RFPL1: variants seen among roughly 807,000 people sequenced by gnomAD.
The protein encoded by RFPL1 is ret finger protein-like 1.
Under a neutral mutation model 9.6 loss-of-function variants are expected in RFPL1, and 6 were observed. The observed-to-expected ratio is 0.62, with a 90% CI of 0.34 to 1.23. The LOEUF is 1.23. Ranked by LOEUF, RFPL1 falls within the 50% of genes most tolerant of loss-of-function variation. The pLI is 0.03. For missense variants in RFPL1, 352 were observed against 398.4 expected, an observed-to-expected ratio of 0.88 and a Z score of 0.99; for synonymous variants, 145 against 149.4, an observed-to-expected ratio of 0.97 and a Z score of 0.22.
the RFPL1 span, among the ~76,000 whole-genome samples, chr22:29,410,467 TATATAG>T: frequency 1.1e-5 from 1 of 87,740 alleles, no homozygotes; most frequent in Non-Finnish European, 2.1e-5. Flanking sequence ...TATATATCTA[TATATAG>T]ATATATATAT....
chr22:29,423,062 A>G, the RFPL1 span: 114 of 1,104,330 alleles, frequency 1.0e-4, no homozygotes, highest in Non-Finnish European at 9.5e-5. Flanking sequence ...CCGCCATAGG[A>G]GGAAAACAGA....
At chr22:29,401,988 A>G in the RFPL1 span, among the ~76,000 whole-genome samples, 1 of 152,142 alleles carries the variant, frequency 6.6e-6, no homozygotes, top group Non-Finnish European at 1.5e-5. Flanking sequence ...TGGCACTTAG[A>G]CTTAATGTTG....
the RFPL1 span, among the ~76,000 whole-genome samples, chr22:29,401,082 C>T: frequency 6.6e-6 from 1 of 152,198 alleles, no homozygotes; most frequent in Non-Finnish European, 1.5e-5. Context: ...CCAAACCCCT[C>T]CCCTTATTAG....
the RFPL1 span, among the ~76,000 whole-genome samples, chr22:29,430,028 C>T: frequency 1.4e-5 from 2 of 139,332 alleles, no homozygotes. Context: ...GTTTCCAGCA[C>T]GTTGGATGTA....
chr22:29,426,027 AAG>A, the RFPL1 span, among the ~76,000 whole-genome samples: 2 of 151,990 alleles, frequency 1.3e-5, no homozygotes, highest in South Asian at 2.1e-4. Context: ...AACTGTGTAA[AAG>A]AAGTTATTTG....
chr22:29,419,506 T>G, the RFPL1 span, among the ~76,000 whole-genome samples: 1 of 151,914 alleles, frequency 6.6e-6, no homozygotes, highest in South Asian at 2.1e-4. Context: ...TCCCAGCACT[T>G]TAAGAGGCTG....
the RFPL1 span, among the ~76,000 whole-genome samples, chr22:29,398,157 TG>T: frequency 6.6e-6 from 1 of 152,120 alleles, no homozygotes; most frequent in African/African-American, 2.4e-5. Context: ...CATGGGGGTG[TG>T]GGAAGGCTGG....
chr22:29,441,153 T>C (rs1295754988), intron 1 of RFPL1: 1 of 243,866 alleles, frequency 4.1e-6, no homozygotes, highest in Non-Finnish European at 8.0e-6. Context: ...AGTTGAGCAA[T>C]ACAAGATGGA....
chr22:29,428,808 T>C, the RFPL1 span, among the ~76,000 whole-genome samples: 1 of 152,110 alleles, frequency 6.6e-6, no homozygotes, highest in Non-Finnish European at 1.5e-5. Flanking sequence ...AATGAAAACA[T>C]AATATACCAA....
chr22:29,438,811 T>A (rs1369358871), exon 1 of RFPL1: 2 of 1,613,420 alleles, frequency 1.2e-6, no homozygotes, highest in Non-Finnish European at 1.7e-6. Flanking sequence ...TTGTCACTTG[T>A]CACAACTAAC....
At chr22:29,439,549 G>A (rs764547339) in intron 1 of RFPL1, 8 of 199,866 alleles carry the variant, frequency 4.0e-5, no homozygotes, top group Admixed American at 1.6e-4. Flanking sequence ...GGAGAATGGC[G>A]TTAACCTGGG....
chr22:29,420,009 G>C, the RFPL1 span, among the ~76,000 whole-genome samples: 4 of 152,122 alleles, frequency 2.6e-5, no homozygotes, highest in South Asian at 2.1e-4. Flanking sequence ...CCCTTAAAAG[G>C]CTCAGTGCAA....
chr22:29,420,634 C>CTTTTTTTTTTTTTTTTT, the RFPL1 span, among the ~76,000 whole-genome samples: 2 of 53,436 alleles, frequency 3.7e-5, 1 homozygote. Context: ...TGGTTTTTTG[C>CTTTTTTTTTTTTTTTTT]TTTTTTTTTT....
At chr22:29,422,491 C>T in the RFPL1 span, among the ~76,000 whole-genome samples, 15 of 152,278 alleles carry the variant, frequency 9.9e-5, no homozygotes, top group African/African-American at 3.4e-4. Context: ...GCAGAAGAAT[C>T]GCTCGAACCC....
At chr22:29,398,407 A>T in the RFPL1 span, among the ~76,000 whole-genome samples, 1 of 152,136 alleles carries the variant, frequency 6.6e-6, no homozygotes, top group Admixed American at 6.5e-5. Flanking sequence ...AAATCATGAA[A>T]CTGGACTGGC....
chr22:29,392,517 G>A, the RFPL1 span, among the ~76,000 whole-genome samples: 1 of 150,144 alleles, frequency 6.7e-6, no homozygotes, highest in African/African-American at 2.4e-5. Context: ...AGCCTCCCAA[G>A]TAGCTGGGAC....
At chr22:29,401,804 A>G in the RFPL1 span, among the ~76,000 whole-genome samples, 2 of 152,210 alleles carry the variant, frequency 1.3e-5, no homozygotes, top group African/African-American at 2.4e-5. Context: ...CGTTTCCAGA[A>G]TAAAATTCAA....
chr22:29,422,503 G>C, the RFPL1 span, among the ~76,000 whole-genome samples: 1 of 152,242 alleles, frequency 6.6e-6, no homozygotes, highest in Non-Finnish European at 1.5e-5. Flanking sequence ...CTCGAACCCA[G>C]GAGGCAGAGG....
the RFPL1 span, among the ~76,000 whole-genome samples, chr22:29,432,363 G>A: frequency 2.0e-5 from 3 of 152,084 alleles, no homozygotes; most frequent in African/African-American, 7.2e-5. Flanking sequence ...TGAATTTAAA[G>A]CCCCTGCACC....
Sources: gnomAD v4.1 joint callset for allele counts (sites outside exome capture counted in the v4.1 genomes callset) on GRCh38, gnomAD v4.1.1 for gene constraint, MANE v1.5 for transcripts, NCBI Gene and HGNC (gene_info 2026-07-23, HGNC 2026-07-21) for gene names.